HDAC9: variants seen among roughly 807,000 people sequenced by gnomAD.
The protein encoded by HDAC9 is histone deacetylase 9.
HDAC9 carries 41 observed loss-of-function variants against 139.4 expected under a neutral mutation model. That is an observed-to-expected ratio of 0.29 (90% CI 0.23 to 0.38). The LOEUF is 0.38. HDAC9 is among the 10% of genes least tolerant of loss of function. The probability of loss-of-function intolerance (pLI) is 1.00; values close to 1 mark genes in which losing one functional copy is unlikely to be tolerated. For missense variants in HDAC9, 1,147 were observed against 1,297.0 expected (o/e 0.88, Z 1.78); for synonymous variants, 517 against 476.2 (o/e 1.09, Z -1.12).
rs1036562862 is a variant in HDAC9, at chr7:18,266,020, A to G, written c.25+103671A>G. 7.9e-5 allele frequency among the ~76,000 whole-genome samples: 12 copies of G among 152,304 alleles called. No homozygotes were observed. The East Asian group carries it at 1.2e-3, about 15-fold the overall frequency. On this transcript the variant is annotated intron_variant, in intron 2 of 12. Coordinates refer to the HDAC9 transcript ENST00000417496. The stretch of plus-strand genomic sequence containing the variant: ...CAATAATTTTTAATACTCTTATTAC[A>G]TTAAAATTTGTTGGTCTATCTTGCA...
At chr7:18,692,746 T>G (rs1192833789) in intron 12 of HDAC9, among the ~76,000 whole-genome samples, 1 of 152,114 alleles carries the variant, frequency 6.6e-6, no homozygotes, top group African/African-American at 2.4e-5. Flanking sequence ...GCTCTGACAA[T>G]CTAATGTCTT....
At chr7:18,140,722 A>T (rs950007719) in intron 1 of HDAC9, among the ~76,000 whole-genome samples, 1 of 152,176 alleles carries the variant, frequency 6.6e-6, no homozygotes, top group African/African-American at 2.4e-5. Flanking sequence ...ATTTTAACTT[A>T]CATGCCTATG....
intron 2 of HDAC9, among the ~76,000 whole-genome samples, chr7:18,231,043 A>G (rs528846543): frequency 6.6e-6 from 1 of 152,204 alleles, no homozygotes; most frequent in Admixed American, 6.5e-5. Flanking sequence ...GGGAATGGAA[A>G]GCCCACTGGG....
rs1021821211 is a variant in HDAC9 at position 18,666,775 on chromosome 7, T to G, written c.1731+299T>G. The G allele has an allele frequency of 6.7e-5, 78 of 1,161,636 alleles. No individual in the cohort carries two copies. In the African/African-American group the frequency reaches 1.2e-3, roughly 18 times the overall value. The allele number at this position is 1,161,636 out of a possible 1,614,324, so 72.0% of individuals were successfully genotyped here. The stretch of plus-strand genomic sequence containing the variant: ...TCTGAGCAGTTAATAGGCTTTAAAT[T>G]TATCCCAAAGCCTGCTACACCAATT... On this transcript the variant is annotated intron_variant, in intron 12 of 25. Transcript: ENST00000686413.
rs1185603779 is a variant in HDAC9 at position 18,977,905 on chromosome 7, G to GAGAC, written c.3170+1966_3170+1969dup. Among the ~76,000 whole-genome samples the GAGAC allele has an allele frequency of 6.3e-4, 82 of 129,314 alleles. 1 individual carries two copies. The South Asian group carries it at 0.011, about 17-fold the overall frequency. The allele number at this position is 129,314 out of a possible 152,430, so 84.8% of individuals were successfully genotyped here. Reference sequence around the variant, plus strand: ...ATTGAACCATGCATGAATTTCCTCAGAGACAGACAGACAGACACACACACA... The same window carrying GAGAC: ...ATTGAACCATGCATGAATTTCCTCAGAGACAGACAGACAGACAGACACACACACA... On this transcript the variant is annotated intron_variant, in intron 25 of 25. Transcript: ENST00000686413.
At chr7:18,673,797 T>C (rs988855506) in intron 12 of HDAC9, among the ~76,000 whole-genome samples, 1 of 152,032 alleles carries the variant, frequency 6.6e-6, no homozygotes, top group African/African-American at 2.4e-5. Context: ...CTGTTGCTCT[T>C]AATTAACATA....
chr7:18,960,312 G>A (rs1471162780), intron 24 of HDAC9, among the ~76,000 whole-genome samples: 2 of 152,122 alleles, frequency 1.3e-5, no homozygotes, highest in Non-Finnish European at 2.9e-5. Flanking sequence ...CTCCTTGTCA[G>A]AACTGTGCTT....
chr7:18,784,670 C>T (rs1585031636), intron 16 of HDAC9, among the ~76,000 whole-genome samples: 2 of 152,054 alleles, frequency 1.3e-5, no homozygotes, highest in East Asian at 3.9e-4. Context: ...TCTTAACTCA[C>T]AGTGGAATAA....
At chr7:18,318,359 C>G (rs1401473049) in intron 1 of HDAC9, among the ~76,000 whole-genome samples, 1 of 152,194 alleles carries the variant, frequency 6.6e-6, no homozygotes, top group Admixed American at 6.5e-5. Context: ...TGGTGATCAG[C>G]TTGATCAGCA....
rs189073320 is a variant in HDAC9, at chr7:18,568,960, T to A, written c.23-16321T>A. Among the ~76,000 whole-genome samples the A allele has an allele frequency of 3.8e-3, 577 of 152,074 alleles. 13 individuals are homozygous for A. The East Asian group carries it at 0.052, about 14-fold the overall frequency. ...TACTCAGGAGGCTGAGGCAGGAGAA[T>A]CGCTTGAACCCGGGAGGCGAAAGTT... On this transcript the variant is annotated intron_variant, in intron 2 of 25. Coordinates refer to ENST00000686413, the MANE Select transcript of HDAC9 (RefSeq NM_178425.4).
intron 1 of HDAC9, among the ~76,000 whole-genome samples, chr7:18,124,758 T>C (rs1356037908): frequency 6.6e-6 from 1 of 152,194 alleles, no homozygotes; most frequent in African/African-American, 2.4e-5. Context: ...CCCCAGCTGC[T>C]GTTACTGACA....
chr7:18,405,008 A>G (rs1269823915), intron 1 of HDAC9, among the ~76,000 whole-genome samples: 2 of 152,204 alleles, frequency 1.3e-5, no homozygotes, highest in African/African-American at 4.8e-5. Context: ...GATGGGGACT[A>G]TGTGGACACA....
At chr7:18,851,654 G>A (rs1037272429) in intron 21 of HDAC9, among the ~76,000 whole-genome samples, 1 of 152,142 alleles carries the variant, frequency 6.6e-6, no homozygotes, top group African/African-American at 2.4e-5. Flanking sequence ...TTTTCAAAGA[G>A]TGGACTTGAA....
chr7:18,509,690 C>A (rs2128182799), intron 2 of HDAC9, among the ~76,000 whole-genome samples: 1 of 152,266 alleles, frequency 6.6e-6, no homozygotes, highest in African/African-American at 2.4e-5. Context: ...TAATGTCTGA[C>A]ACCATCACTG....
chr7:18,157,804 T>TGAGAGA (rs67690215), intron 1 of HDAC9, among the ~76,000 whole-genome samples: 6,003 of 109,312 alleles, frequency 0.055, 533 homozygotes, highest in African/African-American at 0.07. Context: ...TTCTAAGGCA[T>TGAGAGA]GAGAGAGAGA....
chr7:18,274,664 C>T (rs1403430063), intron 2 of HDAC9, among the ~76,000 whole-genome samples: 2 of 152,044 alleles, frequency 1.3e-5, no homozygotes, highest in African/African-American at 2.4e-5. Context: ...TATTTTTATG[C>T]AATGGAATAT....
intron 25 of HDAC9, among the ~76,000 whole-genome samples, chr7:18,987,149 G>T (rs911843324): frequency 1.2e-4 from 18 of 152,280 alleles, no homozygotes; most frequent in East Asian, 5.8e-4. Context: ...TTGTGCCAGT[G>T]TTCAAAGGGA....
chr7:18,130,733 A>T (rs922349409), intron 1 of HDAC9, among the ~76,000 whole-genome samples: 1 of 152,110 alleles, frequency 6.6e-6, no homozygotes, highest in Non-Finnish European at 1.5e-5. Flanking sequence ...TTTCATATAC[A>T]TGGAATTATA....
intron 22 of HDAC9, among the ~76,000 whole-genome samples, chr7:18,888,350 G>A (rs1011495292): frequency 7.9e-5 from 12 of 152,170 alleles, no homozygotes; most frequent in Admixed American, 4.6e-4. Context: ...GCGTGAACCC[G>A]GGAGGCGGAG....
Sources: allele counts gnomAD v4.1 joint callset (sites outside exome capture counted in the v4.1 genomes callset), GRCh38; gene constraint gnomAD v4.1.1; transcripts MANE v1.5; gene names NCBI Gene and HGNC (gene_info 2026-07-23, HGNC 2026-07-21).